Variants in SLC6A11 observed in about 807,000 individuals in gnomAD.
SLC6A11 encodes the protein sodium- and chloride-dependent GABA transporter 3.
SLC6A11 carries 25 observed loss-of-function variants against 74.8 expected under a neutral mutation model. The ratio of observed to expected loss-of-function variants is 0.33; its 90% CI spans 0.24 to 0.47. The LOEUF (loss-of-function observed/expected upper bound fraction) is 0.47, where lower values mean the gene tolerates loss of function less well. Among genes scored for constraint, SLC6A11 ranks in the 20% least tolerant of loss-of-function variants. SLC6A11 has a pLI of 1.00. For missense variants in SLC6A11, 574 were observed against 837.0 expected, an observed-to-expected ratio of 0.69 and a Z score of 3.88; for synonymous variants, 330 against 330.2, an observed-to-expected ratio of 1.00 and a Z score of 0.01.
intron 7 of SLC6A11, among the ~76,000 whole-genome samples, chr3:10,913,892 A>G (rs1210033446): frequency 1.3e-5 from 2 of 152,156 alleles, no homozygotes; most frequent in African/African-American, 4.8e-5. Flanking sequence ...ACGGGGTTTC[A>G]CCGTGTTAGC....
At chr3:10,892,957 T>G (rs1319275262) in intron 6 of SLC6A11, among the ~76,000 whole-genome samples, 1 of 152,176 alleles carries the variant, frequency 6.6e-6, no homozygotes, top group Non-Finnish European at 1.5e-5. Context: ...AAGCTACAGT[T>G]GACTGACCCT....
chr3:10,893,907 A>G (rs531717778), intron 6 of SLC6A11, among the ~76,000 whole-genome samples: 1 of 152,314 alleles, frequency 6.6e-6, no homozygotes, highest in Non-Finnish European at 1.5e-5. Flanking sequence ...TCTGTAACTT[A>G]CTTTATTTTT....
At chr3:10,821,883 C>G (rs983553080) in intron 3 of SLC6A11, among the ~76,000 whole-genome samples, 10 of 152,144 alleles carry the variant, frequency 6.6e-5, no homozygotes, top group African/African-American at 2.4e-4. Flanking sequence ...AAGGTCTCCT[C>G]TCTCCAGAAA....
At chr3:10,858,965 G>T (rs1437272536) in intron 5 of SLC6A11, among the ~76,000 whole-genome samples, 11 of 152,198 alleles carry the variant, frequency 7.2e-5, no homozygotes, top group Admixed American at 7.2e-4. Flanking sequence ...GCCCTCGAGG[G>T]TATATGAAGA....
At chr3:10,831,117 A>G (rs1471008290) in intron 4 of SLC6A11, among the ~76,000 whole-genome samples, 2 of 152,140 alleles carry the variant, frequency 1.3e-5, no homozygotes, top group African/African-American at 4.8e-5. Context: ...CTAATCTCAC[A>G]TGTCCTCAGT....
chr3:10,846,463 C>G (rs1032012313), intron 5 of SLC6A11, among the ~76,000 whole-genome samples: 3 of 152,162 alleles, frequency 2.0e-5, no homozygotes, highest in African/African-American at 7.2e-5. Context: ...TATGGACATG[C>G]TTAGGCTATT....
chr3:10,864,765 G>A (rs978452044), intron 5 of SLC6A11, among the ~76,000 whole-genome samples: 17 of 152,298 alleles, frequency 1.1e-4, no homozygotes, highest in Admixed American at 2.0e-4. Context: ...CATAGTGGCC[G>A]CTCTGGCTGA....
intron 6 of SLC6A11, among the ~76,000 whole-genome samples, chr3:10,902,180 C>T (rs1425910468): frequency 2.0e-5 from 3 of 152,156 alleles, no homozygotes; most frequent in Non-Finnish European, 2.9e-5. Context: ...GGGCCCCAAG[C>T]TCTGATCTGG....
intron 1 of SLC6A11, among the ~76,000 whole-genome samples, 175 bp from the exon 2 acceptor site, chr3:10,819,290 G>A (rs572042417): frequency 2.6e-5 from 4 of 152,294 alleles, no homozygotes; most frequent in Admixed American, 2.6e-4. Flanking sequence ...GGAGATGTGA[G>A]GTAGACTTAC....
In SLC6A11 at chr3:10,903,366, G is replaced by A. The variant is rs534923552; in HGVS notation, c.892-8724G>A. 7.2e-5 allele frequency among the ~76,000 whole-genome samples: 11 copies of A among 152,282 alleles called. No homozygotes were observed. In the South Asian group the frequency reaches 1.9e-3, roughly 26 times the overall value. ...AGCATCTGTACCTTCATGGGTAGGCGGGACCCTGGCCCCTACTGCCACTGA... is the reference window on the plus strand; with the variant it reads ...AGCATCTGTACCTTCATGGGTAGGCAGGACCCTGGCCCCTACTGCCACTGA... On this transcript the variant is annotated intron_variant, in intron 6 of 13. Coordinates refer to ENST00000254488, the MANE Select transcript of SLC6A11 (RefSeq NM_014229.3).
rs574602831 is a variant in SLC6A11, at chr3:10,911,113, C to T, written c.892-977C>T. On this transcript the variant is annotated intron_variant, in intron 6 of 13. Transcript: ENST00000254488. ...TGCTGGGATTACAGGCATGAGCCAC[C>T]CACCATGCCCGGCCGGGTTGCCGTG... Among the ~76,000 whole-genome samples the T allele has an allele frequency of 2.7e-4, 41 of 152,304 alleles. 1 individual carries two copies. In the South Asian group the frequency reaches 8.5e-3, roughly 32 times the overall value.
Position 10,847,684 on chromosome 3 carries a change from G to C in SLC6A11, c.756+3338G>C, listed in dbSNP as rs140340440. ...CTCGTTATTAATGATGAGGTTCTGT[G>C]GGGGCACATCCGGCAGTTTAGAGAA... On this transcript the variant is annotated intron_variant, in intron 5 of 13. Transcript: ENST00000254488. 3.7e-3 allele frequency among the ~76,000 whole-genome samples: 570 copies of C among 152,274 alleles called. 1 individual carries two copies. The highest frequency in any genetic ancestry group is 6.6e-3 in the Non-Finnish European group (448 of 68,024).
At chr3:10,912,055 T>G (rs757843430) in intron 6 of SLC6A11, 35 bp from the exon 7 acceptor site, 1 of 1,430,586 alleles carries the variant, frequency 7.0e-7, no homozygotes, top group East Asian at 2.3e-5. Context: ...ACATCTGACT[T>G]CTGTTTATGC....
chr3:10,900,142 T>C (rs760572295), intron 6 of SLC6A11, among the ~76,000 whole-genome samples: 1 of 152,204 alleles, frequency 6.6e-6, no homozygotes, highest in East Asian at 1.9e-4. Context: ...GTTGGAAAAC[T>C]GGGGCTAGGA....
intron 5 of SLC6A11, among the ~76,000 whole-genome samples, chr3:10,848,841 T>C (rs1694538291): frequency 6.6e-6 from 1 of 152,236 alleles, no homozygotes; most frequent in Non-Finnish European, 1.5e-5. Context: ...GGGAGGCATC[T>C]TGGTTTTGAG....
chr3:10,820,793 A>G (rs1446565827), intron 3 of SLC6A11, among the ~76,000 whole-genome samples: 3 of 152,130 alleles, frequency 2.0e-5, no homozygotes, highest in African/African-American at 7.2e-5. Flanking sequence ...ACCCTTCTCC[A>G]ATAGTGCTCC....
Position 10,816,597 on chromosome 3 carries a change from A to T in SLC6A11, c.256+76A>T, listed in dbSNP as rs1172922101. The stretch of plus-strand genomic sequence containing the variant: ...GCGGGGAGCCAGGGGCGAGCGCGAG[A>T]CCCCCTCCCGCGCCTGCGTGGAGCG... On this transcript the variant is annotated intron_variant, in intron 1 of 13. Coordinates refer to ENST00000254488, the MANE Select transcript of SLC6A11 (RefSeq NM_014229.3). The surrounding 1 kb of genome is among the most constrained non-coding windows in gnomAD (Gnocchi z 4.2). The T allele has an allele frequency of 7.5e-7, 1 of 1,339,494 alleles. No homozygotes were observed. The highest frequency in any genetic ancestry group is 9.9e-7 in the Non-Finnish European group (1 of 1,012,020). The allele number at this position is 1,339,494 out of a possible 1,614,324, so 83.0% of individuals were successfully genotyped here.
intron 5 of SLC6A11, among the ~76,000 whole-genome samples, chr3:10,867,541 C>T (rs1694780184): frequency 6.6e-6 from 1 of 152,216 alleles, no homozygotes; most frequent in Non-Finnish European, 1.5e-5. Flanking sequence ...GAAGGTTCAA[C>T]CCAAATCCGT....
At chr3:10,902,296 G>A (rs1337740889) in intron 6 of SLC6A11, among the ~76,000 whole-genome samples, 1 of 152,244 alleles carries the variant, frequency 6.6e-6, no homozygotes, top group Non-Finnish European at 1.5e-5. Flanking sequence ...GAGGGATGAA[G>A]TGTTGGTTCT....
Sources: allele counts gnomAD v4.1 joint callset (sites outside exome capture counted in the v4.1 genomes callset), GRCh38; gene constraint gnomAD v4.1.1; non-coding constraint Gnocchi (gnomAD v3.1); transcripts MANE v1.5; gene names NCBI Gene and HGNC (gene_info 2026-07-23, HGNC 2026-07-21).